Variants in TMEM132D observed in about 807,000 individuals in gnomAD.
TMEM132D encodes transmembrane protein 132D.
In TMEM132D, 21 loss-of-function variants were observed where a neutral mutation model predicts 62.3. That is an observed-to-expected ratio of 0.34 (90% CI 0.24 to 0.49). TMEM132D has a LOEUF of 0.49. TMEM132D is among the 20% of genes least tolerant of loss of function. TMEM132D has a pLI of 0.99. For missense variants in TMEM132D, 1,346 were observed against 1,402.8 expected, an observed-to-expected ratio of 0.96 and a Z score of 0.65; for synonymous variants, 621 against 575.6, an observed-to-expected ratio of 1.08 and a Z score of -1.13.
chr12:129,322,809 G>T (rs1359011472), intron 4 of TMEM132D, among the ~76,000 whole-genome samples: 1 of 152,018 alleles, frequency 6.6e-6, no homozygotes, highest in Non-Finnish European at 1.5e-5. Flanking sequence ...ATAATTAACT[G>T]GCTAGTCACA....
At chr12:129,407,775 G>A (rs1385910506) in intron 3 of TMEM132D, among the ~76,000 whole-genome samples, 1 of 151,624 alleles carries the variant, frequency 6.6e-6, no homozygotes, top group Non-Finnish European at 1.5e-5. Flanking sequence ...GGTGGCGGGT[G>A]CCTGTAGTCC....
chr12:129,839,409 A>T (rs1164613330), intron 1 of TMEM132D, among the ~76,000 whole-genome samples: 2 of 151,604 alleles, frequency 1.3e-5, no homozygotes, highest in Admixed American at 1.3e-4. Flanking sequence ...TACAGGTGTG[A>T]GCCACCGTAC....
At position 129,374,572 on chromosome 12, in the gene TMEM132D, A is replaced by C. The variant is rs143983772; in HGVS notation, c.1116-36755T>G. On this transcript the variant is annotated intron_variant, in intron 3 of 8. Coordinates refer to ENST00000422113, the MANE Select transcript of TMEM132D (RefSeq NM_133448.3). ...TGGAGCTGAAGGGAGCAGGTGGAGG[A>C]AAGAACCACGGCATAGATGTTCAGC... Among the ~76,000 whole-genome samples the C allele has an allele frequency of 4.8e-4, 73 of 152,106 alleles. 1 individual carries two copies. The highest frequency in any genetic ancestry group is 1.7e-3 in the African/African-American group (69 of 41,516).
intron 5 of TMEM132D, among the ~76,000 whole-genome samples, chr12:129,171,693 G>A (rs1410511712): frequency 1.3e-5 from 2 of 152,188 alleles, no homozygotes; most frequent in African/African-American, 2.4e-5. Context: ...GCACTCTTGG[G>A]CGATGAGGTG....
At chr12:129,438,377 A>AC (rs1160920922) in intron 3 of TMEM132D, among the ~76,000 whole-genome samples, 1 of 152,204 alleles carries the variant, frequency 6.6e-6, no homozygotes, top group Non-Finnish European at 1.5e-5. Context: ...TCAAATATCC[A>AC]CCCATAGAAT....
intron 5 of TMEM132D, among the ~76,000 whole-genome samples, chr12:129,209,216 G>T (rs1344179597): frequency 6.6e-6 from 1 of 152,170 alleles, no homozygotes; most frequent in East Asian, 1.9e-4. Context: ...GGGTAAGCGG[G>T]TCCCTGCCTC....
At chr12:129,526,338 G>A (rs1392860945) in intron 3 of TMEM132D, among the ~76,000 whole-genome samples, 1 of 152,112 alleles carries the variant, frequency 6.6e-6, no homozygotes, top group Admixed American at 6.5e-5. Context: ...AGGCTGGAGT[G>A]CAATGGCATG....
chr12:129,390,593 C>T (rs1267547219), intron 3 of TMEM132D, among the ~76,000 whole-genome samples: 1 of 152,280 alleles, frequency 6.6e-6, no homozygotes, highest in East Asian at 1.9e-4. Context: ...CAGGGTTATG[C>T]TGATTTTGGA....
At chr12:129,832,116 G>A (rs543527654) in intron 1 of TMEM132D, among the ~76,000 whole-genome samples, 13 of 139,984 alleles carry the variant, frequency 9.3e-5, no homozygotes, top group African/African-American at 1.1e-4. Flanking sequence ...CTCAATCTCC[G>A]GACCTCGTGA....
At chr12:129,502,722 C>A (rs995376581) in intron 3 of TMEM132D, among the ~76,000 whole-genome samples, 2 of 152,134 alleles carry the variant, frequency 1.3e-5, no homozygotes, top group African/African-American at 4.8e-5. Context: ...AAAGTTTATT[C>A]CCTGCAAAAG....
chr12:129,380,722 C>T (rs1870925176), intron 3 of TMEM132D, among the ~76,000 whole-genome samples: 2 of 152,092 alleles, frequency 1.3e-5, no homozygotes, highest in East Asian at 3.8e-4. Flanking sequence ...CTCTCCTGTC[C>T]CCCATCCCCA....
intron 1 of TMEM132D, among the ~76,000 whole-genome samples, chr12:129,780,777 C>T (rs1871097912): frequency 1.3e-5 from 2 of 152,128 alleles, no homozygotes; most frequent in South Asian, 4.1e-4. Context: ...ACCTTTTTAC[C>T]ATCATTAAAT....
intron 1 of TMEM132D, among the ~76,000 whole-genome samples, chr12:129,741,873 T>C (rs982652990): frequency 5.3e-5 from 8 of 152,096 alleles, no homozygotes; most frequent in Non-Finnish European, 1.2e-4. Context: ...AACTAGGGAG[T>C]CTTGAAGTTT....
intron 5 of TMEM132D, chr12:129,085,052 C>T (rs967468573): frequency 7.4e-6 from 3 of 403,672 alleles, no homozygotes; most frequent in Non-Finnish European, 1.3e-5. Flanking sequence ...CAGAGTTACC[C>T]GGGAGTTATG....
intron 1 of TMEM132D, among the ~76,000 whole-genome samples, chr12:129,753,745 A>G (rs1670798396): frequency 6.6e-6 from 1 of 152,232 alleles, no homozygotes; most frequent in South Asian, 2.1e-4. Flanking sequence ...ATTATGCAAG[A>G]CACATTTGCC....
chr12:129,526,170 G>T (rs1383357950), intron 3 of TMEM132D, among the ~76,000 whole-genome samples: 1 of 152,156 alleles, frequency 6.6e-6, no homozygotes, highest in Non-Finnish European at 1.5e-5. Context: ...AGTGAAGGAG[G>T]TAGTGAGGTA....
chr12:129,658,925 G>A (rs1226160125), intron 2 of TMEM132D, among the ~76,000 whole-genome samples: 2 of 151,958 alleles, frequency 1.3e-5, no homozygotes, highest in Admixed American at 1.3e-4. Context: ...CCCCTGTCTG[G>A]GGTCTCACTC....
chr12:129,643,448 A>G (rs1000437612), intron 2 of TMEM132D, among the ~76,000 whole-genome samples: 20 of 152,218 alleles, frequency 1.3e-4, no homozygotes, highest in African/African-American at 4.8e-4. Flanking sequence ...TTCTCTGCAC[A>G]ACAGCAGATT....
intron 3 of TMEM132D, among the ~76,000 whole-genome samples, chr12:129,360,193 C>T (rs1315466740): frequency 1.3e-5 from 2 of 152,014 alleles, no homozygotes; most frequent in Non-Finnish European, 2.9e-5. Context: ...ATGATGACAG[C>T]CAGAGACACA....
Sources: gnomAD v4.1 joint callset for allele counts (sites outside exome capture counted in the v4.1 genomes callset) on GRCh38, gnomAD v4.1.1 for gene constraint, MANE v1.5 for transcripts, NCBI Gene and HGNC (gene_info 2026-07-23, HGNC 2026-07-21) for gene names.